NFE2L3: variants seen among roughly 807,000 people sequenced by gnomAD.
NFE2L3 encodes the protein nuclear factor erythroid 2-related factor 3.
In NFE2L3, 18 loss-of-function variants were observed where a neutral mutation model predicts 23.5. The observed-to-expected ratio is 0.77, with a 90% CI of 0.53 to 1.13. NFE2L3 has a LOEUF of 1.13. NFE2L3 is among the 50% of genes most tolerant of loss of function. NFE2L3 has a pLI of 0.00. For missense variants in NFE2L3, 1,152 were observed against 877.2 expected (o/e 1.31, Z -3.96); for synonymous variants, 424 against 354.5 (o/e 1.20, Z -2.20).
chr7:26,181,849 A>G (rs762367602), intron 2 of NFE2L3, among the ~76,000 whole-genome samples: 1 of 152,202 alleles, frequency 6.6e-6, no homozygotes, highest in Non-Finnish European at 1.5e-5. Context: ...TTCATTGAAA[A>G]TTCAGTGGAA....
chr7:26,183,612 A>G lies in NFE2L3; in HGVS notation c.751-89A>G, dbSNP rs117130964. The G allele has an allele frequency of 7.8e-6, 6 of 772,860 alleles. No homozygotes were observed. In the Admixed American group the frequency reaches 1.3e-4, roughly 17 times the overall value. 47.9% of individuals were successfully genotyped at this position (772,860 alleles called of 1,614,324 possible). A position where few individuals can be genotyped will look rare whatever the true frequency, so the allele number is the denominator to read the frequency against. ...AGCATAAAAATCCAGTGTGGAAATA[A>G]TACCTGGTGATCCTTTAAAGATAAA... On this transcript the variant is annotated intron_variant, in intron 2 of 3. Coordinates refer to ENST00000056233, the MANE Select transcript of NFE2L3 (RefSeq NM_004289.7).
In NFE2L3 at chr7:26,185,089, C is replaced by A; in HGVS notation, c.1391C>A (p.Ala464Asp). Residue 464 changes from alanine to aspartate, a missense_variant, in exon 4 of 4, where the codon GCT (alanine) becomes GAT (aspartate). Ala to Asp is a moderately radical substitution (Grantham distance 126, BLOSUM62 -2). Coordinates refer to ENST00000056233, the MANE Select transcript of NFE2L3 (RefSeq NM_004289.7). ...ESSSHHDLEGAVGGYYPEPSK... is the reference protein window; with the variant it reads ...ESSSHHDLEGDVGGYYPEPSK... The stretch of plus-strand genomic sequence containing the variant: ...AGTTCCCATCATGACTTAGAAGGTG[C>A]TGTAGGTGGCTACTACCCAGAACCC... 1 of 1,613,846 alleles carries A rather than the reference C, an allele frequency of 6.2e-7. No homozygotes were observed.
intron 3 of NFE2L3, 131 bp downstream of exon 3, chr7:26,183,915 C>T (rs1261383794): frequency 4.2e-5 from 27 of 647,482 alleles, no homozygotes; most frequent in Non-Finnish European, 6.1e-5. Flanking sequence ...AGCACTTCAG[C>T]TTAGAATTAA....
rs138448739 is a variant in NFE2L3, at chr7:26,185,519, A to G, written c.1821A>G (p.Glu607=). The G allele has an allele frequency of 1.7e-4, 272 of 1,613,950 alleles. 2 individuals carry two copies. In the East Asian group the frequency reaches 6.0e-3, roughly 36 times the overall value. The change falls in exon 4 of 4, where the codon GAA becomes GAG. Residue 607 remains glutamate (E), a synonymous_variant. Transcript: ENST00000056233. ...AATTGGACATAATTTTGAATTTAGA[A>G]GATGATGTATGTAACTTGCAAGCAA... is the stretch of plus-strand genomic sequence containing the variant. ...KRKLDIILNL[E]DDVCNLQAKK...
rs1245793713 is a variant in NFE2L3, at chr7:26,184,949, T to C, written c.1251T>C (p.Ser417=). Reference sequence around the variant, plus strand: ...CTCAGCTTTTTGATGAACCAGATTCTGATTCTGGCCTTTCTTTAGATTCAA... The same window carrying C: ...CTCAGCTTTTTGATGAACCAGATTCCGATTCTGGCCTTTCTTTAGATTCAA... ...DVSQLFDEPD[S]DSGLSLDSSH... is the part of the protein sequence containing the mutation. Residue 417 remains serine, a synonymous_variant, in exon 4 of 4, where the codon TCT becomes TCC. Transcript: ENST00000056233. 6.2e-7 allele frequency: 1 copy of C among 1,613,858 alleles called. No individual in the cohort carries two copies. The highest frequency in any genetic ancestry group is 1.3e-5 in the African/African-American group (1 of 74,932).
rs972292631 is a variant in NFE2L3, at chr7:26,152,335, T to C, written c.-164T>C. ...GCCGAGGGAACGCCTTTGTGCCCGGTGCTGGGAACCCGCGACGGCCGCCAC... is the reference window on the plus strand; with the variant it reads ...GCCGAGGGAACGCCTTTGTGCCCGGCGCTGGGAACCCGCGACGGCCGCCAC... On this transcript the variant is annotated 5_prime_UTR_variant, in exon 1 of 4. Transcript: ENST00000056233. This position sits in a 1 kb window ranked among gnomAD's most constrained non-coding sequence, Gnocchi z 4.4. The C allele has an allele frequency of 1.6e-4, 58 of 358,000 alleles. No individual in the cohort carries two copies. The highest frequency in any genetic ancestry group is 1.1e-3 in the African/African-American group (52 of 46,362). 22.2% of individuals were successfully genotyped at this position (358,000 alleles called of 1,614,324 possible).
At position 26,184,583 on chromosome 7, in the gene NFE2L3, G is replaced by T; in HGVS notation, c.885G>T (p.Met295Ile). The part of the protein sequence containing the change: ...IPLPGSISDG[M>I]NSSAHYHVNF... ...TTCCAGGCAGTATCAGTGATGGCAT[G>T]AATTCTTCAGCACATTATCATGTAA... Residue 295 changes from methionine to isoleucine, a missense_variant, in exon 4 of 4, where the codon ATG becomes ATT. Transcript: ENST00000056233. 1.2e-6 allele frequency: 2 copies of T among 1,613,800 alleles called. No homozygotes were observed. The highest frequency in any genetic ancestry group is 1.7e-6 in the Non-Finnish European group (2 of 1,179,744).
rs780814705 is a variant in NFE2L3 at position 26,152,532 on chromosome 7, G to A, written c.34G>A (p.Gly12Ser). Residue 12 changes from glycine (G) to serine (S), a missense_variant, in exon 1 of 4, where the codon GGC (glycine) becomes AGC (serine). Transcript: ENST00000056233. The surrounding 1 kb of genome is among the most constrained non-coding windows in gnomAD (Gnocchi z 4.4). ...KHLKRWWSAGGGLLHLTLLLS... is the reference protein window; with the variant it reads ...KHLKRWWSAGSGLLHLTLLLS... ...CCTGAAGCGGTGGTGGTCGGCCGGC[G>A]GCGGCCTCCTGCACCTCACCCTCCT... is the stretch of plus-strand genomic sequence containing the variant. The A allele has an allele frequency of 7.7e-6, 11 of 1,426,414 alleles. No homozygotes were observed. The South Asian group carries it at 1.4e-4, about 18-fold the overall frequency. The allele number at this position is 1,426,414 out of a possible 1,614,324, so 88.4% of individuals were successfully genotyped here.
chr7:26,170,203 T>G (rs1784314938), intron 1 of NFE2L3, among the ~76,000 whole-genome samples: 1 of 152,234 alleles, frequency 6.6e-6, no homozygotes, highest in Non-Finnish European at 1.5e-5. Flanking sequence ...TCAAGACTGA[T>G]GTGACATGGT....
chr7:26,184,459 A>G (rs187465671), intron 3 of NFE2L3, 74 bp from the exon 4 acceptor site: 36 of 1,371,582 alleles, frequency 2.6e-5, no homozygotes, highest in Middle Eastern at 1.9e-4. Context: ...GAGGGGAAAG[A>G]AAGTTGTTAG....
intron 1 of NFE2L3, among the ~76,000 whole-genome samples, chr7:26,159,801 C>A (rs911606656): frequency 6.6e-6 from 1 of 152,080 alleles, no homozygotes; most frequent in Non-Finnish European, 1.5e-5. Context: ...AAGTTAGTGA[C>A]CTTGCTAGGA....
chr7:26,184,813 T>C lies in NFE2L3; in HGVS notation c.1115T>C (p.Met372Thr). Reference sequence around the variant, plus strand: ...TTTCTTTCACCGGTTGACAATCATATGAGGAATCTAACAAGCCAAGACCTA... The same window carrying C: ...TTTCTTTCACCGGTTGACAATCATACGAGGAATCTAACAAGCCAAGACCTA... ...TGFLSPVDNH[M>T]RNLTSQDLLY... is the part of the protein sequence containing the mutation. Residue 372 changes from methionine (M) to threonine (T), a missense_variant, in exon 4 of 4, where the codon ATG becomes ACG. Transcript: ENST00000056233. 2 of 1,613,942 alleles carry C rather than the reference T, an allele frequency of 1.2e-6. No homozygotes were observed. The highest frequency in any genetic ancestry group is 8.5e-7 in the Non-Finnish European group (1 of 1,179,820).
chr7:26,171,333 C>T (rs112260539), intron 1 of NFE2L3, among the ~76,000 whole-genome samples: 63 of 152,284 alleles, frequency 4.1e-4, no homozygotes, highest in Middle Eastern at 6.8e-3. Context: ...CACCTGAAGT[C>T]AGGAGTTCGA....
At chr7:26,165,130 G>A (rs1273551352) in intron 1 of NFE2L3, among the ~76,000 whole-genome samples, 5 of 152,208 alleles carry the variant, frequency 3.3e-5, no homozygotes, top group East Asian at 1.9e-4. Flanking sequence ...TTGGTAATGC[G>A]GGCTCTTTTT....
chr7:26,184,516 T>A lies in NFE2L3; in HGVS notation c.835-17T>A, dbSNP rs1782429113. 1 of 1,591,752 alleles carries A rather than the reference T, an allele frequency of 6.3e-7. No homozygotes were observed. Among genetic ancestry groups the A allele is most frequent in the Admixed American group, 1.7e-5 (1 of 57,572 alleles). On this transcript the variant is annotated splice_polypyrimidine_tract_variant and intron_variant, in intron 3 of 3. Coordinates refer to ENST00000056233, the MANE Select transcript of NFE2L3 (RefSeq NM_004289.7). ...TAGGGCTATTCATGTTTGAAGTGTT[T>A]CTCCTTCGTTTTTCAGGGCATCTCA...
At chr7:26,179,252 G>T (rs111353522) in intron 2 of NFE2L3, among the ~76,000 whole-genome samples, 37 of 152,166 alleles carry the variant, frequency 2.4e-4, no homozygotes, top group African/African-American at 8.9e-4. Context: ...TATAATCCCA[G>T]CACTTTGGGA....
At chr7:26,180,993 G>A (rs1023520541) in intron 2 of NFE2L3, among the ~76,000 whole-genome samples, 3 of 151,704 alleles carry the variant, frequency 2.0e-5, no homozygotes, top group Non-Finnish European at 4.4e-5. Context: ...AAGGCGGCGG[G>A]GGAGACAGGA....
intron 2 of NFE2L3, among the ~76,000 whole-genome samples, chr7:26,179,528 T>C (rs1234671441): frequency 6.9e-6 from 1 of 145,292 alleles, no homozygotes; most frequent in Non-Finnish European, 1.5e-5. Context: ...TATAACCCAA[T>C]GTAATTTCCA....
At chr7:26,171,922 C>T (rs114105580) in intron 1 of NFE2L3, among the ~76,000 whole-genome samples, 221 of 152,262 alleles carry the variant, frequency 1.5e-3, no homozygotes, top group African/African-American at 5.1e-3. Context: ...TGTCGTATTC[C>T]CAGCACTAGT....
Sources: gnomAD v4.1 joint callset for allele counts (sites outside exome capture counted in the v4.1 genomes callset) on GRCh38, gnomAD v4.1.1 for gene constraint, Gnocchi (gnomAD v3.1) non-coding constraint, MANE v1.5 for transcripts, NCBI Gene and HGNC (gene_info 2026-07-23, HGNC 2026-07-21) for gene names.